The following STXBP5L variants were observed in gnomAD, a reference collection of about 807,000 sequenced individuals.
STXBP5L encodes the protein syntaxin binding protein 5L, also known as syntaxin-binding protein 5-like.
Under a neutral mutation model 144.5 loss-of-function variants are expected in STXBP5L, and 65 were observed. The ratio of observed to expected loss-of-function variants is 0.45; its 90% CI spans 0.37 to 0.55. The LOEUF is 0.55. STXBP5L is among the 20% of genes least tolerant of loss of function. STXBP5L has a pLI of 0.00. For synonymous variants in STXBP5L, 505 were observed against 469.6 expected (o/e 1.08, Z -0.97); for missense variants, 1,298 against 1,405.5 (o/e 0.92, Z 1.22).
At chr3:121,117,223 A>C (rs929115129) in intron 6 of STXBP5L, among the ~76,000 whole-genome samples, 13 of 128,312 alleles carry the variant, frequency 1.0e-4, no homozygotes, top group Non-Finnish European at 2.1e-4. Flanking sequence ...TATTTTTCAT[A>C]ATATACACAT....
At chr3:121,274,070 C>T (rs2050807099) in intron 18 of STXBP5L, among the ~76,000 whole-genome samples, 1 of 152,034 alleles carries the variant, frequency 6.6e-6, no homozygotes, top group African/African-American at 2.4e-5. Flanking sequence ...TAATAGATCT[C>T]CATTTTGTTG....
intron 20 of STXBP5L, among the ~76,000 whole-genome samples, chr3:121,350,986 G>A (rs970677545): frequency 1.3e-5 from 2 of 152,232 alleles, no homozygotes; most frequent in East Asian, 1.9e-4. Flanking sequence ...GTCCAGCTTT[G>A]TTCCATTGCT....
chr3:120,997,537 A>G (rs646975), intron 3 of STXBP5L, among the ~76,000 whole-genome samples: 146,658 of 152,312 alleles, frequency 0.96, 70,658 homozygotes, highest in African/African-American at 0.99. Flanking sequence ...TAATGATTGA[A>G]CATTTTTTCA....
intron 4 of STXBP5L, among the ~76,000 whole-genome samples, chr3:121,043,543 T>C (rs1947303011): frequency 6.6e-6 from 1 of 152,162 alleles, no homozygotes; most frequent in Non-Finnish European, 1.5e-5. Flanking sequence ...ACCCCGTCTC[T>C]ACTAAAATTA....
intron 5 of STXBP5L, among the ~76,000 whole-genome samples, chr3:121,086,513 A>G (rs903613357): frequency 4.6e-5 from 7 of 152,126 alleles, no homozygotes; most frequent in African/African-American, 2.4e-5. Flanking sequence ...AATTGCCTAC[A>G]GTATTCACTA....
At chr3:120,951,513 T>C (rs1433698522) in intron 2 of STXBP5L, among the ~76,000 whole-genome samples, 2 of 152,030 alleles carry the variant, frequency 1.3e-5, no homozygotes, top group Non-Finnish European at 2.9e-5. Flanking sequence ...CAGACACTTC[T>C]CAAAAGAAGA....
chr3:121,012,598 A>G (rs868513757), intron 3 of STXBP5L, among the ~76,000 whole-genome samples: 2 of 151,712 alleles, frequency 1.3e-5, no homozygotes, highest in Non-Finnish European at 3.0e-5. Context: ...CCTTCTTTTC[A>G]TGCATTTATT....
intron 20 of STXBP5L, among the ~76,000 whole-genome samples, chr3:121,345,731 G>A (rs1464226039): frequency 2.0e-5 from 3 of 151,996 alleles, no homozygotes; most frequent in African/African-American, 7.2e-5. Flanking sequence ...TCTCATTGTG[G>A]TATTGATTTG....
intron 15 of STXBP5L, among the ~76,000 whole-genome samples, 180 bp downstream of exon 15, chr3:121,250,943 ACTTCT>A (rs1045814260): frequency 3.3e-5 from 5 of 152,284 alleles, no homozygotes; most frequent in Admixed American, 3.3e-4. Flanking sequence ...TCTCTGCTTT[ACTTCT>A]CTTCTATAAT....
chr3:121,259,997 T>A lies in STXBP5L; in HGVS notation c.1958+829T>A, dbSNP rs74716663. Among the ~76,000 whole-genome samples, 5 of 152,144 alleles carry A rather than the reference T, an allele frequency of 3.3e-5. No individual in the cohort carries two copies. In the East Asian group the frequency reaches 7.7e-4, roughly 23 times the overall value. ...TATTCCCATTAAAGCCTAATTTAAT[T>A]TCAGTTAATCCTTATTTCTAGGTTG... On this transcript the variant is annotated intron_variant, in intron 18 of 26. Coordinates refer to ENST00000471454, the MANE Select transcript of STXBP5L (RefSeq NM_001308330.2).
Position 120,994,882 on chromosome 3 carries a change from G to C in STXBP5L, c.287+39845G>C, listed in dbSNP as rs1372111190. Among the ~76,000 whole-genome samples the C allele has an allele frequency of 2.0e-5, 3 of 151,770 alleles. No individual in the cohort carries two copies. The East Asian group carries it at 5.8e-4, about 29-fold the overall frequency. ...GTTCTTCATACATTTGGTAGAACTT[G>C]GCAGTGAAGCCATTGGGTCCTGGGC... On this transcript the variant is annotated intron_variant, in intron 3 of 26. Coordinates refer to ENST00000471454, the MANE Select transcript of STXBP5L (RefSeq NM_001308330.2).
At chr3:120,983,416 T>C (rs1323802901) in intron 3 of STXBP5L, among the ~76,000 whole-genome samples, 1 of 152,012 alleles carries the variant, frequency 6.6e-6, no homozygotes, top group African/African-American at 2.4e-5. Context: ...TTTGGGGCCT[T>C]GTGAAGGTGT....
intron 9 of STXBP5L, among the ~76,000 whole-genome samples, chr3:121,159,643 T>G (rs1169937668): frequency 6.7e-6 from 1 of 149,940 alleles, no homozygotes; most frequent in Non-Finnish European, 1.5e-5. Flanking sequence ...TTTTTTTTTT[T>G]TTTTGAGACG....
At chr3:121,229,182 C>A (rs1393553794) in intron 11 of STXBP5L, among the ~76,000 whole-genome samples, 2 of 152,136 alleles carry the variant, frequency 1.3e-5, no homozygotes, top group Non-Finnish European at 2.9e-5. Flanking sequence ...AAAAGATTTA[C>A]CATGCAAGAC....
intron 22 of STXBP5L, among the ~76,000 whole-genome samples, chr3:121,383,805 T>C (rs1247865842): frequency 6.6e-6 from 1 of 152,148 alleles, no homozygotes; most frequent in Non-Finnish European, 1.5e-5. Flanking sequence ...GCCATATTTA[T>C]TTTCTTTCCT....
At chr3:120,968,237 C>G (rs1192446961) in intron 3 of STXBP5L, among the ~76,000 whole-genome samples, 1 of 151,178 alleles carries the variant, frequency 6.6e-6, no homozygotes, top group Non-Finnish European at 1.5e-5. Flanking sequence ...CAGTCAGTCT[C>G]TCTCTTTAGG....
intron 19 of STXBP5L, among the ~76,000 whole-genome samples, chr3:121,285,202 A>C (rs1268576996): frequency 2.0e-5 from 3 of 152,050 alleles, no homozygotes; most frequent in Non-Finnish European, 4.4e-5. Context: ...TATATTATCC[A>C]CTAGTGATTA....
At chr3:121,064,528 C>T (rs777931448) in intron 5 of STXBP5L, among the ~76,000 whole-genome samples, 33 of 152,278 alleles carry the variant, frequency 2.2e-4, no homozygotes, top group Admixed American at 7.8e-4. Context: ...AGATCATTTT[C>T]GGGAGAACTG....
chr3:121,345,754 G>C (rs2108595641), intron 20 of STXBP5L, among the ~76,000 whole-genome samples: 1 of 152,150 alleles, frequency 6.6e-6, no homozygotes, highest in East Asian at 1.9e-4. Context: ...TTTCTCTCAT[G>C]ACAAGTGATA....
Sources: gnomAD v4.1 joint callset for allele counts (sites outside exome capture counted in the v4.1 genomes callset) on GRCh38, gnomAD v4.1.1 for gene constraint, MANE v1.5 for transcripts, NCBI Gene and HGNC (gene_info 2026-07-23, HGNC 2026-07-21) for gene names.